COL8A1: variants seen among roughly 807,000 people sequenced by gnomAD.
The protein encoded by COL8A1 is collagen alpha-1(VIII) chain.
In COL8A1, 21 loss-of-function variants were observed where a neutral mutation model predicts 42.7. The ratio of observed to expected loss-of-function variants is 0.49; its 90% CI spans 0.35 to 0.71. The LOEUF is 0.71. Ranked by LOEUF, COL8A1 falls within the 30% of genes least tolerant of loss-of-function variation. The pLI is 0.01. For missense variants in COL8A1, 788 were observed against 962.4 expected, an observed-to-expected ratio of 0.82 and a Z score of 2.40; for synonymous variants, 367 against 369.1, an observed-to-expected ratio of 0.99 and a Z score of 0.06.
chr3:99,773,471 A>C (rs1941618857), intron 2 of COL8A1, among the ~76,000 whole-genome samples: 1 of 152,116 alleles, frequency 6.6e-6, no homozygotes, highest in Non-Finnish European at 1.5e-5. Flanking sequence ...GACAAGATAA[A>C]ATGAAGCCTC....
chr3:99,726,073 C>G (rs1940314997), intron 1 of COL8A1, among the ~76,000 whole-genome samples: 1 of 152,068 alleles, frequency 6.6e-6, no homozygotes, highest in South Asian at 2.1e-4. Flanking sequence ...CTCTCCAGTA[C>G]CTGTTGTTTT....
chr3:99,715,751 G>A (rs1371727097), intron 1 of COL8A1, among the ~76,000 whole-genome samples: 1 of 151,932 alleles, frequency 6.6e-6, no homozygotes, highest in Non-Finnish European at 1.5e-5. Flanking sequence ...CAAAGACATG[G>A]CTTTTTATTT....
chr3:99,769,200 A>G (rs1164372960), intron 2 of COL8A1, among the ~76,000 whole-genome samples: 1 of 152,210 alleles, frequency 6.6e-6, no homozygotes, highest in Non-Finnish European at 1.5e-5. Context: ...GTCACAATTA[A>G]ATAAGATGAT....
chr3:99,792,005 C>G (rs1942009429), intron 3 of COL8A1, among the ~76,000 whole-genome samples: 1 of 152,156 alleles, frequency 6.6e-6, no homozygotes, highest in South Asian at 2.1e-4. Flanking sequence ...TCAGTAAGAA[C>G]AGAGTGTGTT....
intron 1 of COL8A1, among the ~76,000 whole-genome samples, chr3:99,670,119 T>C (rs1369755527): frequency 6.6e-6 from 1 of 152,096 alleles, no homozygotes; most frequent in Non-Finnish European, 1.5e-5. Flanking sequence ...TTCTTGTATT[T>C]AGCTAAAGAG....
chr3:99,773,819 A>ATATATAT (rs1553682076), intron 2 of COL8A1, among the ~76,000 whole-genome samples: 5 of 56,404 alleles, frequency 8.9e-5, no homozygotes, highest in Non-Finnish European at 1.8e-4. Flanking sequence ...ATGTGTGTAT[A>ATATATAT]TATATATATA....
At chr3:99,656,458 C>G (rs1938025252) in intron 1 of COL8A1, among the ~76,000 whole-genome samples, 1 of 150,122 alleles carries the variant, frequency 6.7e-6, no homozygotes, top group Non-Finnish European at 1.5e-5. Context: ...AGTTACTTCA[C>G]TGGTCAGTAA....
intron 2 of COL8A1, among the ~76,000 whole-genome samples, chr3:99,750,509 A>G (rs928175329): frequency 7.2e-5 from 11 of 152,194 alleles, no homozygotes; most frequent in African/African-American, 2.7e-4. Flanking sequence ...TATAATTGGT[A>G]AACAGAAAAA....
intron 1 of COL8A1, among the ~76,000 whole-genome samples, chr3:99,640,368 T>C (rs1937483638): frequency 6.6e-6 from 1 of 152,140 alleles, no homozygotes. Context: ...ATGTGGCACA[T>C]TCAAGTTAAT....
intron 1 of COL8A1, among the ~76,000 whole-genome samples, chr3:99,726,893 G>A (rs576053803): frequency 3.7e-4 from 57 of 152,076 alleles, no homozygotes; most frequent in African/African-American, 1.1e-3. Flanking sequence ...TTGGCGATGC[G>A]GGCTCTTTTT....
chr3:99,652,609 T>C (rs1937881788), intron 1 of COL8A1, among the ~76,000 whole-genome samples: 2 of 152,280 alleles, frequency 1.3e-5, no homozygotes, highest in Admixed American at 6.5e-5. Context: ...AAAAAGAAAG[T>C]GCAGCAAAAG....
At chr3:99,783,983 T>C (rs982086175) in intron 2 of COL8A1, among the ~76,000 whole-genome samples, 5 of 152,206 alleles carry the variant, frequency 3.3e-5, no homozygotes, top group Admixed American at 3.3e-4. Context: ...ACTTAATGAA[T>C]ACTTTAAGCT....
chr3:99,677,627 GAACT>G (rs1938741322), intron 1 of COL8A1: 1 of 152,148 alleles, frequency 6.6e-6, no homozygotes, highest in Admixed American at 6.5e-5. Flanking sequence ...AAGCAATTTT[GAACT>G]AATAGAGAAT....
At chr3:99,644,263 A>G (rs1019154230) in intron 1 of COL8A1, among the ~76,000 whole-genome samples, 1 of 152,192 alleles carries the variant, frequency 6.6e-6, no homozygotes, top group African/African-American at 2.4e-5. Flanking sequence ...TACCATATCT[A>G]TTAAAACTCT....
At chr3:99,783,964 G>A (rs905613213) in intron 2 of COL8A1, among the ~76,000 whole-genome samples, 1 of 152,150 alleles carries the variant, frequency 6.6e-6, no homozygotes, top group Non-Finnish European at 1.5e-5. Flanking sequence ...CCTTGCCAGT[G>A]GCTTTGTGAC....
At chr3:99,772,651 C>G (rs1941603079) in intron 2 of COL8A1, among the ~76,000 whole-genome samples, 1 of 152,054 alleles carries the variant, frequency 6.6e-6, no homozygotes, top group African/African-American at 2.4e-5. Context: ...TTAAGTGATA[C>G]ACGGCAGAAT....
chr3:99,656,343 T>G (rs1205389495), intron 1 of COL8A1, among the ~76,000 whole-genome samples: 1 of 152,216 alleles, frequency 6.6e-6, no homozygotes, highest in Non-Finnish European at 1.5e-5. Context: ...GTAGAACACA[T>G]TATTAACTTT....
At chr3:99,714,779 A>C (rs1469007688) in intron 1 of COL8A1, among the ~76,000 whole-genome samples, 9 of 152,262 alleles carry the variant, frequency 5.9e-5, no homozygotes, top group Non-Finnish European at 1.3e-4. Context: ...GATATTGAAT[A>C]AGAAAACAAA....
chr3:99,794,033 C>T lies in COL8A1; in HGVS notation c.329-197C>T, dbSNP rs998501062. On this transcript the variant is annotated intron_variant, in intron 3 of 3. Coordinates refer to ENST00000652472, the MANE Select transcript of COL8A1 (RefSeq NM_020351.4). This position sits in a 1 kb window ranked among gnomAD's most constrained non-coding sequence, Gnocchi z 4.3. ...TCCCAAAGTTGTAGGATTACAGGCA[C>T]GAGCCACCATGCCAGGCCTGATTTT... is the stretch of plus-strand genomic sequence containing the variant. Among the ~76,000 whole-genome samples, 16 of 152,120 alleles carry T rather than the reference C, an allele frequency of 1.1e-4. No individual in the cohort carries two copies. Among genetic ancestry groups the T allele is most frequent in the Non-Finnish European group, 2.1e-4 (14 of 68,014 alleles).
Sources: gnomAD v4.1 joint callset for allele counts (sites outside exome capture counted in the v4.1 genomes callset) on GRCh38, gnomAD v4.1.1 for gene constraint, Gnocchi (gnomAD v3.1) non-coding constraint, MANE v1.5 for transcripts, NCBI Gene and HGNC (gene_info 2026-07-23, HGNC 2026-07-21) for gene names.